Variants in ANO8 observed in about 807,000 individuals in gnomAD.
ANO8 encodes the protein anoctamin 8.
A neutral mutation model predicts 120.4 loss-of-function variants in ANO8; 67 were observed. That is an observed-to-expected ratio of 0.56 (90% CI 0.46 to 0.68). The LOEUF (loss-of-function observed/expected upper bound fraction) is 0.68, where lower values mean the gene tolerates loss of function less well. ANO8 is among the 30% of genes least tolerant of loss of function. The pLI is 0.00. For missense variants in ANO8, 1,526 were observed against 1,737.6 expected, an observed-to-expected ratio of 0.88 and a Z score of 2.16; for synonymous variants, 727 against 759.2, an observed-to-expected ratio of 0.96 and a Z score of 0.70.
At chr19:17,325,553 G>T (rs888625176) in intron 16 of ANO8, among the ~76,000 whole-genome samples, 167 bp from the exon 17 acceptor site, 2 of 152,252 alleles carry the variant, frequency 1.3e-5, no homozygotes, top group Admixed American at 1.3e-4. Flanking sequence ...TGCAGAAGTG[G>T]GAGAGAGCCA....
At chr19:17,329,226 C>T in intron 12 of ANO8, 2 of 456,502 alleles carry the variant, frequency 4.4e-6, no homozygotes, top group East Asian at 7.4e-5. Context: ...CGCGTCTCCA[C>T]CCCACCGCGG....
rs1435595506 is a variant in ANO8 at position 17,334,644 on chromosome 19, C to G, written c.27G>C (p.Gly9=). ...CACGCTCGCCCTCCAGGGACGTGCC[C>G]CCGGCGCCGGAGGCGGCCTCGGCCA... The part of the protein sequence containing the change: MAEAASGA[G]GTSLEGERGK... The change falls in exon 1 of 18, where the codon GGG becomes GGC. Residue 9 remains glycine, a synonymous_variant. Transcript: ENST00000159087. 4.7e-6 allele frequency: 7 copies of G among 1,485,842 alleles called. No individual in the cohort carries two copies. The South Asian group carries it at 8.9e-5, about 19-fold the overall frequency. 92.0% of individuals were successfully genotyped at this position (1,485,842 alleles called of 1,614,324 possible). A position where few individuals can be genotyped will look rare whatever the true frequency, so the allele number is the denominator to read the frequency against.
chr19:17,325,436 G>A (rs543277396), intron 16 of ANO8, 50 bp from the exon 17 acceptor site: 26 of 1,518,988 alleles, frequency 1.7e-5, no homozygotes, highest in Middle Eastern at 1.8e-4. Context: ...GGGTGTTAGC[G>A]GGTGCCAGCT....
rs1476261814 is a variant in ANO8 at position 17,327,736 on chromosome 19, G to C, written c.2371C>G (p.Leu791Val). 6.2e-7 allele frequency: 1 copy of C among 1,614,040 alleles called. No homozygotes were observed. Among genetic ancestry groups the C allele is most frequent in the South Asian group, 1.1e-5 (1 of 91,080 alleles). ...RSDAFKLCTG[L>V]QRPFGQRVES... ...ACGCGCTGGCCGAAGGGCCGCTGCA[G>C]CCCGGTGCACAGCTTGAAGGCGTCG... Residue 791 changes from leucine to valine, a missense_variant, in exon 14 of 18, where the codon CTG becomes GTG. Leu to Val is a conservative substitution (Grantham distance 32). Transcript: ENST00000159087.
intron 5 of ANO8, among the ~76,000 whole-genome samples, chr19:17,331,707 C>T (rs145461635): frequency 6.7e-6 from 1 of 149,024 alleles, no homozygotes. Flanking sequence ...AGTGCAGTGG[C>T]GTGATCTCCG....
rs12977218 is a variant in ANO8 at position 17,334,773 on chromosome 19, A to G, written c.-103T>C. On this transcript the variant is annotated 5_prime_UTR_variant, in exon 1 of 18. Coordinates refer to ENST00000159087, the MANE Select transcript of ANO8 (RefSeq NM_020959.3). ...GCGGAGCGCGCGGGAGGAGGAGACA[A>G]AGGCCGCGCCCGCCCGCGCCGGCCT... The G allele has an allele frequency of 1.7e-6, 2 of 1,183,374 alleles. No individual in the cohort carries two copies. Among genetic ancestry groups the G allele is most frequent in the African/African-American group, 1.6e-5 (1 of 61,370 alleles). The allele number at this position is 1,183,374 out of a possible 1,614,324, so 73.3% of individuals were successfully genotyped here.
chr19:17,333,782 C>T lies in ANO8; in HGVS notation c.125G>A (p.Arg42Gln). The T allele has an allele frequency of 6.2e-7, 1 of 1,601,846 alleles. No homozygotes were observed. The highest frequency in any genetic ancestry group is 8.5e-7 in the Non-Finnish European group (1 of 1,175,444). Residue 42 changes from arginine (R) to glutamine (Q), a missense_variant, in exon 2 of 18, where the codon CGG (arginine) becomes CAG (glutamine). Coordinates refer to ENST00000159087, the MANE Select transcript of ANO8 (RefSeq NM_020959.3). This position sits in a 1 kb window ranked among gnomAD's most constrained non-coding sequence, Gnocchi z 7.2. ...CAGGTAGCGACCAGCCTGCAGGAGCCGCTTTCCGAAAAGCTTATCTAGGGG... is the reference window on the plus strand; with the variant it reads ...CAGGTAGCGACCAGCCTGCAGGAGCTGCTTTCCGAAAAGCTTATCTAGGGG... ...SGVLDKLFGKRLLQAGRYLVS... is the reference protein window; with the variant it reads ...SGVLDKLFGKQLLQAGRYLVS...
Position 17,329,784 on chromosome 19 carries a change from G to A in ANO8, c.1377C>T (p.Tyr459=), listed in dbSNP as rs146301692. ...CTTTCAAGCGCTCCATGTCCTTGAG[G>A]TAGAAACCGATGTAGAAGAGGCTCA... ...SYLSLFYIGF[Y]LKDMERLKEM... is the part of the protein sequence containing the mutation. Residue 459 remains tyrosine, a synonymous_variant, in exon 12 of 18, where the codon TAC becomes TAT. Coordinates refer to ENST00000159087, the MANE Select transcript of ANO8 (RefSeq NM_020959.3). 2.6e-5 allele frequency: 42 copies of A among 1,613,464 alleles called. No homozygotes were observed. The highest frequency in any genetic ancestry group is 3.4e-5 in the Non-Finnish European group (40 of 1,179,838).
In ANO8 at chr19:17,331,149, G is replaced by T. The variant is rs757710448; in HGVS notation, c.770C>A (p.Ser257Ter). 1 of 1,614,060 alleles carries T rather than the reference G, an allele frequency of 6.2e-7. No homozygotes were observed. The highest frequency in any genetic ancestry group is 8.5e-7 in the Non-Finnish European group (1 of 1,180,038). ...MYFAWLGFYT[S>*]AMVYPAVFGS... Reference sequence around the variant, plus strand: ...GAAGACAGCTGGGTATACCATAGCCGACGTGTAGAAGCCCAGCCAGGCGAA... The same window carrying T: ...GAAGACAGCTGGGTATACCATAGCCTACGTGTAGAAGCCCAGCCAGGCGAA... Residue 257 changes from serine (S) to a stop codon, truncating the protein, a stop_gained, in exon 7 of 18, where the codon TCG becomes TAG. Transcript: ENST00000159087. LOFTEE classifies it high-confidence loss of function.
rs375771999 is a variant in ANO8, at chr19:17,333,207, C to T, written c.383G>A (p.Arg128His). The change falls in exon 4 of 18, where the codon CGC (arginine) becomes CAC (histidine). Residue 128 changes from arginine to histidine, a missense_variant. Around this residue, in one of 8 missense-constraint regions of ANO8, gnomAD observed 322 missense variants for 431.8 expected, o/e 0.75. Coordinates refer to ENST00000159087, the MANE Select transcript of ANO8 (RefSeq NM_020959.3). This position sits in a 1 kb window ranked among gnomAD's most constrained non-coding sequence, Gnocchi z 7.2. ...GCCAAACTCGGCCTTCACTGCTTTG[C>T]GCAGACCCAGCTCGTCGGCCCCTCG... ...LLRGADELGLRKAVKAEFGGG... is the reference protein window; with the variant it reads ...LLRGADELGLHKAVKAEFGGG... 3 of 1,610,174 alleles carry T rather than the reference C, an allele frequency of 1.9e-6. No homozygotes were observed. Among genetic ancestry groups the T allele is most frequent in the East Asian group, 4.5e-5 (2 of 44,688 alleles).
intron 16 of ANO8, among the ~76,000 whole-genome samples, chr19:17,325,914 G>A (rs1427272387): frequency 1.3e-5 from 2 of 152,120 alleles, no homozygotes; most frequent in South Asian, 4.1e-4. Flanking sequence ...GGGACAAAGC[G>A]AGACTGTCTC....
intron 13 of ANO8, 41 bp downstream of exon 13, chr19:17,328,121 G>GGCGAGGCCCCGCCCCCT (rs566987257): frequency 0.061 from 86,592 of 1,429,966 alleles, 3,717 homozygotes; most frequent in Non-Finnish European, 0.065. Flanking sequence ...TCCCGTCCCC[G>GGCGAGGCCCCGCCCCCT]GCGAGGCCCC....
In ANO8 at chr19:17,325,343, C is replaced by T. The variant is rs771912275; in HGVS notation, c.2705G>A (p.Arg902His). ...TCGCTCCTCCTCCTCCCGCCGCCTG[C>T]GCTGCTGCTGCTGGTAGCGATGCTG... ...QAQHRYQQQQ[R>H]RRREEEERQR... Residue 902 changes from arginine (R) to histidine (H), a missense_variant, in exon 17 of 18, where the codon CGC becomes CAC. Arg to His is a conservative substitution (Grantham distance 29). Around this residue, in one of 8 missense-constraint regions of ANO8, gnomAD observed 489 missense variants for 548.6 expected, o/e 0.89. Coordinates refer to ENST00000159087, the MANE Select transcript of ANO8 (RefSeq NM_020959.3). 71 of 1,600,428 alleles carry T rather than the reference C, an allele frequency of 4.4e-5. 1 individual carries two copies. The highest frequency in any genetic ancestry group is 4.2e-4 in the South Asian group (38 of 90,708).
rs1288329609 is a variant in ANO8 at position 17,330,082 on chromosome 19, G to T, written c.1273+43C>A. 3 of 1,612,016 alleles carry T rather than the reference G, an allele frequency of 1.9e-6. No individual in the cohort carries two copies. The South Asian group carries it at 3.3e-5, about 18-fold the overall frequency. On this transcript the variant is annotated intron_variant, in intron 10 of 17. Transcript: ENST00000159087. ...CCAAGGGTGGCAGGGATCCCAAGGGGCAGTGGAGACCTTCCTCCCAGAGAC... is the reference window on the plus strand; with the variant it reads ...CCAAGGGTGGCAGGGATCCCAAGGGTCAGTGGAGACCTTCCTCCCAGAGAC...
chr19:17,328,106 G>A (rs974021168), intron 13 of ANO8, 56 bp downstream of exon 13: 1 of 1,343,688 alleles, frequency 7.4e-7, no homozygotes, highest in Non-Finnish European at 1.0e-6. Context: ...CCCTCGGACG[G>A]TGTGTCCCGT....
At position 17,331,224 on chromosome 19, in the gene ANO8, G is replaced by A; in HGVS notation, c.704-9C>T. On this transcript the variant is annotated splice_polypyrimidine_tract_variant and intron_variant, in intron 6 of 17. Transcript: ENST00000159087. ...GTAATCACAGATGTCATCTGCCAGG[G>A]GACAAGTGGGTCTCAGTCACCCCCT... The A allele has an allele frequency of 1.2e-6, 2 of 1,614,148 alleles. No homozygotes were observed. The highest frequency in any genetic ancestry group is 1.7e-6 in the Non-Finnish European group (2 of 1,180,036).
Position 17,330,145 on chromosome 19 carries a change from G to A in ANO8, c.1253C>T (p.Ala418Val), listed in dbSNP as rs2074306174. 6.2e-7 allele frequency: 1 copy of A among 1,614,066 alleles called. No homozygotes were observed. The highest frequency in any genetic ancestry group is 2.2e-5 in the East Asian group (1 of 44,876). The part of the protein sequence containing the change: ...SVSAEGYKKL[A>V]IWLNDMENYR... ...CGTACCCATGTCATTGAGCCAGATG[G>A]CTAGCTTCTTGTAGCCCTCGGCACT... The change falls in exon 10 of 18, where the codon GCC becomes GTC. Residue 418 changes from alanine to valine, a missense_variant. By Grantham distance (64) the Ala-to-Val change is moderately conservative (BLOSUM62 0). Transcript: ENST00000159087.
chr19:17,332,301 A>G (rs902790361), intron 5 of ANO8, among the ~76,000 whole-genome samples: 2 of 152,000 alleles, frequency 1.3e-5, no homozygotes, highest in African/African-American at 4.8e-5. Context: ...GGCTGGACAG[A>G]ATGCAGTGGC....
intron 16 of ANO8, 102 bp from the exon 17 acceptor site, chr19:17,325,488 A>C: frequency 7.0e-7 from 1 of 1,438,372 alleles, no homozygotes; most frequent in Non-Finnish European, 9.2e-7. Context: ...AGTGGGGGAG[A>C]CTTAAATGCT....
Sources: allele counts gnomAD v4.1 joint callset (sites outside exome capture counted in the v4.1 genomes callset), GRCh38; gene constraint gnomAD v4.1.1; regional missense constraint gnomAD v4.1.1; non-coding constraint Gnocchi (gnomAD v3.1); transcripts MANE v1.5; gene names NCBI Gene and HGNC (gene_info 2026-07-23, HGNC 2026-07-21).